Variants in DNAL1 observed in about 807,000 individuals in gnomAD.
DNAL1 encodes dynein axonemal light chain 1, also known as chromosome 14 open reading frame 168.
Under a neutral mutation model 29.4 loss-of-function variants are expected in DNAL1, and 17 were observed. That is an observed-to-expected ratio of 0.58 (90% CI 0.40 to 0.87). The LOEUF (loss-of-function observed/expected upper bound fraction) is 0.87, where lower values mean the gene tolerates loss of function less well. DNAL1 is among the 40% of genes least tolerant of loss of function. The pLI, the probability that DNAL1 is intolerant of heterozygous loss-of-function variation, is 0.00. For synonymous variants in DNAL1, 78 were observed against 76.3 expected (o/e 1.02, Z -0.12); for missense variants, 188 against 214.1 (o/e 0.88, Z 0.76).
chr14:73,674,588 C>T (rs1891687053), intron 5 of DNAL1, among the ~76,000 whole-genome samples: 1 of 152,222 alleles, frequency 6.6e-6, no homozygotes, highest in Non-Finnish European at 1.5e-5. Flanking sequence ...GTCACCCAGG[C>T]TAGAGTGCAG....
At chr14:73,692,840 C>CTT (rs71112797) in intron 7 of DNAL1, among the ~76,000 whole-genome samples, 23 of 142,936 alleles carry the variant, frequency 1.6e-4, no homozygotes, top group South Asian at 4.5e-4. Context: ...ACTGAGGGAT[C>CTT]TTTTTTTTTT....
intron 4 of DNAL1, among the ~76,000 whole-genome samples, chr14:73,665,432 T>TA (rs1891454334): frequency 6.6e-6 from 1 of 152,368 alleles, no homozygotes; most frequent in African/African-American, 2.4e-5. Flanking sequence ...CTTGCTTAAA[T>TA]GTGACTAAGC....
chr14:73,645,911 C>T (rs1002309889), intron 1 of DNAL1, among the ~76,000 whole-genome samples: 1 of 152,188 alleles, frequency 6.6e-6, no homozygotes, highest in Middle Eastern at 3.2e-3. Context: ...TATGTGATGT[C>T]CTACTGGATA....
chr14:73,648,045 T>TC (rs1891019156), intron 1 of DNAL1, among the ~76,000 whole-genome samples: 1 of 151,940 alleles, frequency 6.6e-6, no homozygotes, highest in Non-Finnish European at 1.5e-5. Flanking sequence ...TGGCACAATC[T>TC]CGGCTCACTG....
At position 73,698,142 on chromosome 14, in the gene DNAL1, G is replaced by C. The variant is rs1290824807; in HGVS notation, c.*2200G>C. On this transcript the variant is annotated 3_prime_UTR_variant, in exon 8 of 8. Coordinates refer to ENST00000553645, the MANE Select transcript of DNAL1 (RefSeq NM_031427.4). ...TTCTGAATTCTGTAATATAGAAACT[G>C]GTTCTCTTTCTCCTTGTTTCTCAAT... 2 of 152,186 alleles carry C rather than the reference G, an allele frequency of 1.3e-5. No individual in the cohort carries two copies. Among genetic ancestry groups the C allele is most frequent in the Non-Finnish European group, 2.9e-5 (2 of 68,032 alleles). The allele number at this position is 152,186 out of a possible 1,614,324, so 9.4% of individuals were successfully genotyped here.
chr14:73,690,036 T>C (rs1409370571), intron 7 of DNAL1, among the ~76,000 whole-genome samples: 6 of 34,460 alleles, frequency 1.7e-4, no homozygotes, highest in African/African-American at 1.4e-3. Context: ...AAATTCCGTC[T>C]CAAAAAAAAA....
chr14:73,702,766 G>A lies in DNAL1; in HGVS notation c.*6824G>A, dbSNP rs111839587. 6.6e-6 allele frequency: 1 copy of A among 152,150 alleles called. No individual in the cohort carries two copies. The highest frequency in any genetic ancestry group is 2.4e-5 in the African/African-American group (1 of 41,420). The allele number at this position is 152,150 out of a possible 1,614,324, so 9.4% of individuals were successfully genotyped here. A position where few individuals can be genotyped will look rare whatever the true frequency, so the allele number is the denominator to read the frequency against. On this transcript the variant is annotated 3_prime_UTR_variant, in exon 8 of 8. Coordinates refer to ENST00000553645, the MANE Select transcript of DNAL1 (RefSeq NM_031427.4). ...TTTGGTCACAAAATAGGGCTGTAGTGTAGTTTCTACTTCTTATTCCAGTTG... is the reference window on the plus strand; with the variant it reads ...TTTGGTCACAAAATAGGGCTGTAGTATAGTTTCTACTTCTTATTCCAGTTG...
At chr14:73,646,470 G>T (rs1890979081) in intron 1 of DNAL1, among the ~76,000 whole-genome samples, 2 of 122,038 alleles carry the variant, frequency 1.6e-5, no homozygotes, top group African/African-American at 2.6e-5. Context: ...AGCGGCCAGG[G>T]TGTGGTGGCT....
Position 73,700,960 on chromosome 14 carries a change from A to C in DNAL1, c.*5018A>C, listed in dbSNP as rs1892423784. 1 of 152,234 alleles carries C rather than the reference A, an allele frequency of 6.6e-6. No individual in the cohort carries two copies. The highest frequency in any genetic ancestry group is 1.5e-5 in the Non-Finnish European group (1 of 68,030). 9.4% of individuals were successfully genotyped at this position (152,234 alleles called of 1,614,324 possible). On this transcript the variant is annotated 3_prime_UTR_variant, in exon 8 of 8. Coordinates refer to ENST00000553645, the MANE Select transcript of DNAL1 (RefSeq NM_031427.4). ...GGTGAACTTCCAAAAATCAAGGGTC[A>C]TGTTTTAAAATCATGGAACTTTTAG...
Position 73,661,941 on chromosome 14 carries a change from A to C in DNAL1, c.153-46A>C, listed in dbSNP as rs142223195. On this transcript the variant is annotated intron_variant, in intron 3 of 7. Coordinates refer to ENST00000553645, the MANE Select transcript of DNAL1 (RefSeq NM_031427.4). ...AGTGTTAAGGAATAATTTCTGATTT[A>C]CCATTTACATTTTTCACATTAAATT... The C allele has an allele frequency of 1.5e-3, 2,014 of 1,310,938 alleles. 1 individual carries two copies. The highest frequency in any genetic ancestry group is 2.0e-3 in the Non-Finnish European group (1,854 of 940,308). The allele number at this position is 1,310,938 out of a possible 1,614,324, so 81.2% of individuals were successfully genotyped here.
At chr14:73,692,839 T>C (rs551018071) in intron 7 of DNAL1, among the ~76,000 whole-genome samples, 1 of 149,318 alleles carries the variant, frequency 6.7e-6, no homozygotes, top group Non-Finnish European at 1.5e-5. Flanking sequence ...AACTGAGGGA[T>C]CTTTTTTTTT....
intron 4 of DNAL1, among the ~76,000 whole-genome samples, chr14:73,668,143 A>C (rs1436019486): frequency 6.6e-6 from 1 of 152,168 alleles, no homozygotes; most frequent in Non-Finnish European, 1.5e-5. Context: ...CTATCAAAAA[A>C]TCAACTGTTC....
At chr14:73,684,774 C>T (rs1198703574) in intron 5 of DNAL1, among the ~76,000 whole-genome samples, 2 of 152,010 alleles carry the variant, frequency 1.3e-5, no homozygotes, top group Non-Finnish European at 2.9e-5. Context: ...GTGGCACGTG[C>T]CTGTTCTAAC....
rs941602204 is a variant in DNAL1 at position 73,701,372 on chromosome 14, A to G, written c.*5430A>G. 2.9e-5 allele frequency: 4 copies of G among 135,642 alleles called. No individual in the cohort carries two copies. Among genetic ancestry groups the G allele is most frequent in the Admixed American group, 2.9e-4 (4 of 13,926 alleles). 8.4% of individuals were successfully genotyped at this position (135,642 alleles called of 1,614,324 possible). ...TCACCCTTGCTCGTTCTAAACCCAC[A>G]TGAGTAGTTAACTGTCTTTTGACAT... On this transcript the variant is annotated 3_prime_UTR_variant, in exon 8 of 8. Coordinates refer to ENST00000553645, the MANE Select transcript of DNAL1 (RefSeq NM_031427.4).
In DNAL1 at chr14:73,702,102, T is replaced by TGC. The variant is rs961746464; in HGVS notation, c.*6161_*6162insCG. 2 of 149,632 alleles carry TGC rather than the reference T, an allele frequency of 1.3e-5. No individual in the cohort carries two copies. The highest frequency in any genetic ancestry group is 5.0e-5 in the African/African-American group (2 of 39,832). 9.3% of individuals were successfully genotyped at this position (149,632 alleles called of 1,614,324 possible). Reference sequence around the variant, plus strand: ...TGGTGTGTGTGTGTGTGTGTGTGTGTGTGCACGTGCATGAGAGAGAGTGAA... The same window carrying TGC: ...TGGTGTGTGTGTGTGTGTGTGTGTGTGCGTGCACGTGCATGAGAGAGAGTGAA... On this transcript the variant is annotated 3_prime_UTR_variant, in exon 8 of 8. Coordinates refer to ENST00000553645, the MANE Select transcript of DNAL1 (RefSeq NM_031427.4).
At chr14:73,646,359 G>A (rs12433188) in intron 1 of DNAL1, among the ~76,000 whole-genome samples, 1 of 152,106 alleles carries the variant, frequency 6.6e-6, no homozygotes, top group Non-Finnish European at 1.5e-5. Context: ...AAACCAGATG[G>A]TGTAGGCTAT....
At chr14:73,694,139 C>T (rs1014517095) in intron 7 of DNAL1, among the ~76,000 whole-genome samples, 19 of 151,762 alleles carry the variant, frequency 1.3e-4, no homozygotes, top group Admixed American at 1.1e-3. Flanking sequence ...GGCACGGTGG[C>T]ATGCACCTGT....
At chr14:73,687,204 AAGAC>A in intron 5 of DNAL1, 51 bp from the exon 6 acceptor site, 1 of 1,598,170 alleles carries the variant, frequency 6.3e-7, no homozygotes, top group Non-Finnish European at 8.5e-7. Flanking sequence ...TATAAAGAAG[AAGAC>A]AGAAAGAAAA....
intron 5 of DNAL1, among the ~76,000 whole-genome samples, chr14:73,676,268 G>A (rs896512735): frequency 2.0e-5 from 3 of 151,546 alleles, no homozygotes; most frequent in Non-Finnish European, 2.9e-5. Flanking sequence ...AATTCTATAA[G>A]TACCATATGT....
Sources: allele counts gnomAD v4.1 joint callset (sites outside exome capture counted in the v4.1 genomes callset), GRCh38; gene constraint gnomAD v4.1.1; transcripts MANE v1.5; gene names NCBI Gene and HGNC (gene_info 2026-07-23, HGNC 2026-07-21).